C20orf202: variants seen among roughly 807,000 people sequenced by gnomAD.
C20orf202 encodes chromosome 20 open reading frame 202.
C20orf202 carries 5 observed loss-of-function variants against 5.3 expected under a neutral mutation model. The ratio of observed to expected loss-of-function variants is 0.94; its 90% confidence interval spans 0.49 to 1.98. C20orf202 has a LOEUF of 1.98. Among genes scored for constraint, C20orf202 ranks in the 30% most tolerant of loss-of-function variants. C20orf202 has a pLI of 0.01. For missense variants in C20orf202, 135 were observed against 123.5 expected (o/e 1.09, Z -0.44); for synonymous variants, 48 against 50.0 (o/e 0.96, Z 0.16).
rs1259020441 is a variant in C20orf202 at position 1,203,523 on chromosome 20, A to G, written c.-63A>G. 1.3e-6 allele frequency: 2 copies of G among 1,548,200 alleles called. No homozygotes were observed. The highest frequency in any genetic ancestry group is 2.7e-5 in the African/African-American group (2 of 72,822). Reference sequence around the variant, plus strand: ...GTCTGAAAGAGTTGGGGGAATGTACAAGTCAAAGATCCCTCGGGCCCAGAA... The same window carrying G: ...GTCTGAAAGAGTTGGGGGAATGTACGAGTCAAAGATCCCTCGGGCCCAGAA... On this transcript the variant is annotated 5_prime_UTR_variant, in exon 1 of 2. Transcript: ENST00000400633.
chr20:1,206,705 T>C (rs1170677363), intron 1 of C20orf202, among the ~76,000 whole-genome samples, 164 bp from the exon 2 acceptor site: 1 of 152,292 alleles, frequency 6.6e-6, no homozygotes, highest in African/African-American at 2.4e-5. Flanking sequence ...CAATTTGCTT[T>C]CTGCTTTGCA....
rs1241257700 is a variant in C20orf202, at chr20:1,208,332, G to A, written c.*1230G>A. On this transcript the variant is annotated 3_prime_UTR_variant, in exon 2 of 2. Coordinates refer to ENST00000400633, the MANE Select transcript of C20orf202 (RefSeq NM_001394958.1). ...TTGAAAATCTACCTGTATGTTGCTA[G>A]AACATTGTTTTTATGGCTTTGAAAA... The A allele has an allele frequency of 6.6e-6, 1 of 152,220 alleles. No homozygotes were observed. The highest frequency in any genetic ancestry group is 2.4e-5 in the African/African-American group (1 of 41,450). 9.4% of individuals were successfully genotyped at this position (152,220 alleles called of 1,614,324 possible).
chr20:1,204,808 G>A (rs963948963), intron 1 of C20orf202, among the ~76,000 whole-genome samples: 7 of 152,162 alleles, frequency 4.6e-5, no homozygotes, highest in African/African-American at 1.7e-4. Flanking sequence ...CCAGCAGCAG[G>A]GACTGCAGCT....
intron 1 of C20orf202, among the ~76,000 whole-genome samples, chr20:1,204,710 C>T (rs1275106563): frequency 2.6e-5 from 4 of 152,200 alleles, no homozygotes; most frequent in Non-Finnish European, 1.5e-5. Context: ...TTCTGGGTTG[C>T]CAGGCAACAG....
At chr20:1,205,956 G>A (rs1465394814) in intron 1 of C20orf202, among the ~76,000 whole-genome samples, 1 of 152,018 alleles carries the variant, frequency 6.6e-6, no homozygotes, top group African/African-American at 2.4e-5. Context: ...GGGAGGCTGA[G>A]GTGGGAGGAT....
chr20:1,203,720 C>T, intron 1 of C20orf202, 69 bp downstream of exon 1: 3 of 1,484,912 alleles, frequency 2.0e-6, no homozygotes, highest in Non-Finnish European at 2.7e-6. Context: ...GGTTTTCCTT[C>T]CCGGGTCCCC....
At chr20:1,205,251 G>T (rs867229954) in intron 1 of C20orf202, among the ~76,000 whole-genome samples, 1 of 151,868 alleles carries the variant, frequency 6.6e-6, no homozygotes, top group Admixed American at 6.6e-5. Context: ...GATTACAGGC[G>T]CATGCCACCA....
chr20:1,203,925 G>A (rs994384165), intron 1 of C20orf202, among the ~76,000 whole-genome samples: 5 of 152,160 alleles, frequency 3.3e-5, no homozygotes, highest in African/African-American at 1.2e-4. Context: ...TCCTCTGTGT[G>A]GCTCTAGCAG....
rs1434756429 is a variant in C20orf202, at chr20:1,203,672, T to TCCTTGA, written c.66+22_66+27dup. 2.6e-6 allele frequency: 4 copies of TCCTTGA among 1,531,136 alleles called. No homozygotes were observed. The East Asian group carries it at 7.4e-5, about 28-fold the overall frequency. The allele number at this position is 1,531,136 out of a possible 1,614,324, so 94.8% of individuals were successfully genotyped here. A position where few individuals can be genotyped will look rare whatever the true frequency, so the allele number is the denominator to read the frequency against. On this transcript the variant is annotated intron_variant, in intron 1 of 1. Transcript: ENST00000400633. ...AGCTGGTAAGGTTTTGCATTGCTTT[T>TCCTTGA]CCTTGATGCCCCGACTACATATTTT...
intron 1 of C20orf202, among the ~76,000 whole-genome samples, chr20:1,206,378 A>C (rs1052058930): frequency 1.3e-5 from 2 of 152,268 alleles, no homozygotes; most frequent in African/African-American, 4.8e-5. Context: ...TTACTTATTC[A>C]AAATAACTAT....
intron 1 of C20orf202, among the ~76,000 whole-genome samples, chr20:1,204,457 G>A (rs992394889): frequency 6.6e-6 from 1 of 152,192 alleles, no homozygotes; most frequent in Non-Finnish European, 1.5e-5. Context: ...CCCCCATGGA[G>A]CACTAACTCT....
Position 1,207,667 on chromosome 20 carries a change from A to G in C20orf202, c.*565A>G, listed in dbSNP as rs2087138489. ...CCTAAAAAGATGATTGGCCCAATGG[A>G]TGGTCATGTGAACCAACAGAGCCAG... On this transcript the variant is annotated 3_prime_UTR_variant, in exon 2 of 2. Transcript: ENST00000400633. 6.6e-6 allele frequency: 1 copy of G among 152,212 alleles called. No homozygotes were observed. Among genetic ancestry groups the G allele is most frequent in the Non-Finnish European group, 1.5e-5 (1 of 68,058 alleles). 9.4% of individuals were successfully genotyped at this position (152,212 alleles called of 1,614,324 possible). A position where few individuals can be genotyped will look rare whatever the true frequency, so the allele number is the denominator to read the frequency against.
At chr20:1,205,069 T>C (rs1600202609) in intron 1 of C20orf202, among the ~76,000 whole-genome samples, 1 of 151,670 alleles carries the variant, frequency 6.6e-6, no homozygotes, top group East Asian at 1.9e-4. Context: ...CCCAGTGTTC[T>C]GAGGGAGGCC....
chr20:1,206,002 G>A (rs552578302), intron 1 of C20orf202, among the ~76,000 whole-genome samples: 7 of 151,854 alleles, frequency 4.6e-5, no homozygotes, highest in Non-Finnish European at 8.8e-5. Flanking sequence ...GCAGTGAGCC[G>A]TTATTGCACC....
chr20:1,204,603 G>A (rs2087124137), intron 1 of C20orf202, among the ~76,000 whole-genome samples: 1 of 152,236 alleles, frequency 6.6e-6, no homozygotes, highest in Non-Finnish European at 1.5e-5. Context: ...AGCCAGGAGA[G>A]AGGAGGCAGC....
chr20:1,203,902 C>T (rs6078133), intron 1 of C20orf202, among the ~76,000 whole-genome samples: 1 of 152,086 alleles, frequency 6.6e-6, no homozygotes, highest in Non-Finnish European at 1.5e-5. Context: ...CTGAGTCCTC[C>T]GTGTGTGCTG....
rs1375529945 is a variant in C20orf202, at chr20:1,207,744, G to A, written c.*642G>A. ...CTGGAAGCTCTTTCTATTACACTCA[G>A]GCTGAGGCTGCTGGTGGCCATGTTC... is the stretch of plus-strand genomic sequence containing the variant. On this transcript the variant is annotated 3_prime_UTR_variant, in exon 2 of 2. Transcript: ENST00000400633. 2 of 152,214 alleles carry A rather than the reference G, an allele frequency of 1.3e-5. No individual in the cohort carries two copies. The highest frequency in any genetic ancestry group is 2.9e-5 in the Non-Finnish European group (2 of 68,064). The allele number at this position is 152,214 out of a possible 1,614,324, so 9.4% of individuals were successfully genotyped here.
intron 1 of C20orf202, among the ~76,000 whole-genome samples, chr20:1,204,066 G>A (rs554255314): frequency 2.4e-4 from 37 of 152,242 alleles, no homozygotes; most frequent in African/African-American, 8.7e-4. Context: ...ACTTGGCACC[G>A]TGGTGCTGGC....
rs144057224 is a variant in C20orf202, at chr20:1,203,722, C to T, written c.66+71C>T. On this transcript the variant is annotated intron_variant, in intron 1 of 1. Coordinates refer to ENST00000400633, the MANE Select transcript of C20orf202 (RefSeq NM_001394958.1). ...TCCAAAGATCTCTGGTTTTCCTTCC[C>T]GGGTCCCCCCTGGGGCAGAGGCTGC... 760 of 1,483,468 alleles carry T rather than the reference C, an allele frequency of 5.1e-4. 3 individuals carry two copies. In the African/African-American group the frequency reaches 9.0e-3, roughly 18 times the overall value. The allele number at this position is 1,483,468 out of a possible 1,614,324, so 91.9% of individuals were successfully genotyped here.
Sources: allele counts gnomAD v4.1 joint callset (sites outside exome capture counted in the v4.1 genomes callset), GRCh38; gene constraint gnomAD v4.1.1; transcripts MANE v1.5; gene names NCBI Gene and HGNC (gene_info 2026-07-23, HGNC 2026-07-21).